Variants in FOXP1 observed in about 807,000 individuals in gnomAD.
The protein encoded by FOXP1 is forkhead box protein P1.
FOXP1 carries 15 observed loss-of-function variants against 98.2 expected under a neutral mutation model. That is an observed-to-expected ratio of 0.15 (90% confidence interval 0.10 to 0.24). FOXP1 has a LOEUF of 0.24. FOXP1 is among the 10% of genes least tolerant of loss of function. FOXP1 has a pLI of 1.00. For synonymous variants in FOXP1, 371 were observed against 314.5 expected (o/e 1.18, Z -1.90); for missense variants, 633 against 848.5 (o/e 0.75, Z 3.15).
At chr3:71,011,390 T>C (rs1275450295) in intron 12 of FOXP1, among the ~76,000 whole-genome samples, 2 of 152,140 alleles carry the variant, frequency 1.3e-5, no homozygotes, top group African/African-American at 4.8e-5. Context: ...TATGGCTTTT[T>C]CTGGGGCTAC....
intron 3 of FOXP1, among the ~76,000 whole-genome samples, chr3:71,422,202 G>C (rs1276999585): frequency 6.6e-6 from 1 of 152,192 alleles, no homozygotes; most frequent in Admixed American, 6.5e-5. Context: ...AAGTCAAGGG[G>C]AGTGATAATG....
At chr3:71,463,357 A>G in intron 3 of FOXP1, among the ~76,000 whole-genome samples, 1 of 63,290 alleles carries the variant, frequency 1.6e-5, no homozygotes, top group African/African-American at 7.6e-5. Flanking sequence ...ACTGTCTCAA[A>G]AAAAAAAAAA....
intron 13 of FOXP1, among the ~76,000 whole-genome samples, chr3:70,992,061 G>A (rs1318343338): frequency 6.6e-6 from 1 of 152,180 alleles, no homozygotes; most frequent in Non-Finnish European, 1.5e-5. Context: ...CTAAATGAAT[G>A]CATGAGTTCA....
At chr3:71,396,969 T>C (rs868841738) in intron 3 of FOXP1, among the ~76,000 whole-genome samples, 7 of 15,878 alleles carry the variant, frequency 4.4e-4, no homozygotes, top group South Asian at 1.2e-3. Context: ...TATATGTGTG[T>C]ATATATATAT....
intron 3 of FOXP1, among the ~76,000 whole-genome samples, chr3:71,472,398 G>A (rs1000107945): frequency 1.3e-5 from 2 of 151,560 alleles, no homozygotes; most frequent in African/African-American, 4.8e-5. Context: ...GGGTCCGAGA[G>A]GATTCAGTAG....
chr3:71,509,509 T>C (rs577303908), intron 2 of FOXP1, among the ~76,000 whole-genome samples: 6 of 152,296 alleles, frequency 3.9e-5, no homozygotes, highest in African/African-American at 1.4e-4. Flanking sequence ...TACAGTCACA[T>C]TCCGAGTGAG....
intron 7 of FOXP1, among the ~76,000 whole-genome samples, chr3:71,062,586 A>G (rs2051681986): frequency 6.6e-6 from 1 of 152,248 alleles, no homozygotes; most frequent in Non-Finnish European, 1.5e-5. Flanking sequence ...ATTTTCATGT[A>G]ATCAACCCAT....
chr3:71,277,798 G>A (rs558826383), intron 5 of FOXP1, among the ~76,000 whole-genome samples: 2 of 151,894 alleles, frequency 1.3e-5, no homozygotes, highest in Non-Finnish European at 2.9e-5. Flanking sequence ...AAATGGTGTT[G>A]GAGTATTTAT....
intron 7 of FOXP1, among the ~76,000 whole-genome samples, chr3:71,109,875 T>G (rs1333226837): frequency 6.6e-6 from 1 of 152,094 alleles, no homozygotes; most frequent in African/African-American, 2.4e-5. Flanking sequence ...CCACCAACCT[T>G]TTAGATTTAT....
At chr3:71,205,713 A>G (rs921469235) in intron 5 of FOXP1, among the ~76,000 whole-genome samples, 6 of 152,166 alleles carry the variant, frequency 3.9e-5, no homozygotes, top group African/African-American at 1.2e-4. Context: ...AAACGGCGCC[A>G]CTGACCTGTC....
At chr3:71,004,304 T>C (rs1559693806) in intron 12 of FOXP1, among the ~76,000 whole-genome samples, 1 of 149,666 alleles carries the variant, frequency 6.7e-6, no homozygotes, top group South Asian at 2.1e-4. Flanking sequence ...AGGAGATTAG[T>C]AAAAAAAAAA....
chr3:71,199,696 C>T (rs575023329), intron 5 of FOXP1, among the ~76,000 whole-genome samples: 28 of 151,760 alleles, frequency 1.8e-4, no homozygotes, highest in Non-Finnish European at 2.9e-4. Flanking sequence ...GCCAAGATCA[C>T]GCCATTGTAC....
intron 1 of FOXP1, among the ~76,000 whole-genome samples, chr3:71,582,955 C>A (rs2048306470): frequency 6.6e-6 from 1 of 152,062 alleles, no homozygotes; most frequent in African/African-American, 2.4e-5. Context: ...TCAAGGGCAC[C>A]GAGGGGGCAC....
intron 3 of FOXP1, among the ~76,000 whole-genome samples, chr3:71,413,259 G>GACACACACACACACACACAC (rs528319234): frequency 3.3e-4 from 21 of 64,474 alleles, no homozygotes; most frequent in East Asian, 1.0e-3. Context: ...CCCCCAAATA[G>GACACACACACACACACACAC]ACACACACAC....
In FOXP1 at chr3:71,310,159, C is replaced by T. The variant is rs1015651603; in HGVS notation, c.-72-10279G>A. On this transcript the variant is annotated intron_variant, in intron 4 of 20. Transcript: ENST00000649528. The stretch of plus-strand genomic sequence containing the variant: ...TGGATGATCAGAATCTATTATTTTC[C>T]CGTGTGCTAGCAGGACTTGCCTGGT... Among the ~76,000 whole-genome samples, 7 of 152,152 alleles carry T rather than the reference C, an allele frequency of 4.6e-5. No homozygotes were observed. The East Asian group carries it at 1.3e-3, about 29-fold the overall frequency.
chr3:70,957,735 T>A lies in FOXP1; in HGVS notation c.*1512A>T. The A allele has an allele frequency of 4.3e-6, 1 of 233,622 alleles. No homozygotes were observed. Among genetic ancestry groups the A allele is most frequent in the Non-Finnish European group, 8.5e-6 (1 of 118,054 alleles). The allele number at this position is 233,622 out of a possible 1,614,324, so 14.5% of individuals were successfully genotyped here. On this transcript the variant is annotated 3_prime_UTR_variant, in exon 21 of 21. Coordinates refer to ENST00000649528, the MANE Select transcript of FOXP1 (RefSeq NM_001349338.3). ...CCCAAAGCCCAGGGCCTACATGATATCTTCTATGAGTTTTTGTGATACTGG... is the reference window on the plus strand; with the variant it reads ...CCCAAAGCCCAGGGCCTACATGATAACTTCTATGAGTTTTTGTGATACTGG...
chr3:71,273,737 A>C (rs543350762), intron 5 of FOXP1, among the ~76,000 whole-genome samples: 1 of 152,330 alleles, frequency 6.6e-6, no homozygotes, highest in South Asian at 2.1e-4. Context: ...AGAGAAATAA[A>C]TAACAATACA....
intron 6 of FOXP1, 86 bp from the exon 7 acceptor site, chr3:71,112,723 T>C: frequency 2.1e-6 from 2 of 953,906 alleles, no homozygotes; most frequent in Admixed American, 1.7e-5. Context: ...AAGTGCGCTT[T>C]GGGACTGGGT....
chr3:71,255,469 C>T (rs1256292415), intron 5 of FOXP1, among the ~76,000 whole-genome samples: 3 of 152,150 alleles, frequency 2.0e-5, no homozygotes, highest in African/African-American at 2.4e-5. Context: ...TATGTTTCCT[C>T]GCTTTCATAC....
Sources: allele counts gnomAD v4.1 joint callset (sites outside exome capture counted in the v4.1 genomes callset), GRCh38; gene constraint gnomAD v4.1.1; transcripts MANE v1.5; gene names NCBI Gene and HGNC (gene_info 2026-07-23, HGNC 2026-07-21).